The following RASGRP3 variants were observed in gnomAD, a reference collection of about 807,000 sequenced individuals.
RASGRP3 encodes the protein ras guanyl-releasing protein 3.
A neutral mutation model predicts 82.7 loss-of-function variants in RASGRP3; 54 were observed. The observed-to-expected ratio is 0.65, with a 90% CI of 0.52 to 0.82. The LOEUF (loss-of-function observed/expected upper bound fraction) is 0.82. Ranked by LOEUF, RASGRP3 falls within the 40% of genes least tolerant of loss-of-function variation. RASGRP3 has a pLI of 0.00. For missense variants in RASGRP3, 861 were observed against 828.9 expected (o/e 1.04, Z -0.48); for synonymous variants, 309 against 300.5 (o/e 1.03, Z -0.29).
intron 1 of RASGRP3, among the ~76,000 whole-genome samples, chr2:33,441,365 G>A (rs1008325662): frequency 6.6e-6 from 1 of 151,954 alleles, no homozygotes. Context: ...TTAGAAAAAG[G>A]TTATGCTGAA....
rs1306470350 is a variant in RASGRP3, at chr2:33,483,297, C to G, written c.-261+6590C>G. Among the ~76,000 whole-genome samples the G allele has an allele frequency of 2.0e-5, 3 of 152,118 alleles. No individual in the cohort carries two copies. The East Asian group carries it at 5.8e-4, about 29-fold the overall frequency. On this transcript the variant is annotated intron_variant, in intron 1 of 17. Transcript: ENST00000403687. ...TGGTTCAGGTGGATCGATCTCCACC[C>G]CACAATAGGTTCTAAGCCCCTTGGA...
At chr2:33,539,054 A>ATAC (rs1558503629) in intron 11 of RASGRP3, 40 bp from the exon 12 acceptor site, 2 of 1,368,228 alleles carry the variant, frequency 1.5e-6, no homozygotes, top group East Asian at 5.0e-5. Context: ...AATAATAATA[A>ATAC]TAAAGTTGAA....
Position 33,547,342 on chromosome 2 carries a change from C to CTTTTTTTTTTTTT in RASGRP3, c.1395-2245_1395-2233dup, listed in dbSNP as rs59601670. ...CCCGCAAGCTTGAGAATATAGAATC[C>CTTTTTTTTTTTTT]TTTTTTTTTTTTTTTTTTTTTTTTT... On this transcript the variant is annotated intron_variant, in intron 13 of 17. Transcript: ENST00000403687. 1.1e-3 allele frequency among the ~76,000 whole-genome samples: 74 copies of CTTTTTTTTTTTTT among 68,208 alleles called. 8 individuals carry two copies. Among genetic ancestry groups the CTTTTTTTTTTTTT allele is most frequent in the South Asian group, 3.4e-3 (4 of 1,194 alleles). 44.7% of individuals were successfully genotyped at this position (68,208 alleles called of 152,430 possible). A position where few individuals can be genotyped will look rare whatever the true frequency, so the allele number is the denominator to read the frequency against.
At position 33,459,236 on chromosome 2, in the gene RASGRP3, G is replaced by A. The variant is rs1335593760; in HGVS notation, c.-261+11293G>A. On this transcript the variant is annotated intron_variant, in intron 2 of 18. Coordinates refer to the RASGRP3 transcript ENST00000402538. Reference sequence around the variant, plus strand: ...TGCAAGCTCTGCCTCCCGGGTTCAAGCCATTCTCCTGCCTCAGCCTCCCGA... The same window carrying A: ...TGCAAGCTCTGCCTCCCGGGTTCAAACCATTCTCCTGCCTCAGCCTCCCGA... Among the ~76,000 whole-genome samples, 3 of 152,224 alleles carry A rather than the reference G, an allele frequency of 2.0e-5. No homozygotes were observed. The East Asian group carries it at 5.8e-4, about 29-fold the overall frequency.
chr2:33,540,706 G>A (rs1284658817), intron 12 of RASGRP3, among the ~76,000 whole-genome samples: 1 of 142,978 alleles, frequency 7.0e-6, no homozygotes, highest in Admixed American at 7.4e-5. Flanking sequence ...CATTGGTTCA[G>A]TCAAATAAAA....
At chr2:33,542,002 G>A (rs1287396783) in intron 12 of RASGRP3, among the ~76,000 whole-genome samples, 1 of 146,846 alleles carries the variant, frequency 6.8e-6, no homozygotes, top group African/African-American at 2.4e-5. Flanking sequence ...ACTTTGGGAG[G>A]CTGATGCAGG....
At chr2:33,484,920 C>T (rs1412387755) in intron 1 of RASGRP3, among the ~76,000 whole-genome samples, 7 of 152,108 alleles carry the variant, frequency 4.6e-5, no homozygotes, top group African/African-American at 9.7e-5. Context: ...TGCCCTTGGC[C>T]GGGTGCAGTG....
chr2:33,450,885 T>G (rs1470479696), intron 2 of RASGRP3, among the ~76,000 whole-genome samples: 1 of 128,850 alleles, frequency 7.8e-6, no homozygotes, highest in Non-Finnish European at 1.6e-5. Flanking sequence ...TCGCCCAGGC[T>G]GGAGTGTAGT....
intron 2 of RASGRP3, among the ~76,000 whole-genome samples, chr2:33,466,977 G>A (rs1283678589): frequency 2.0e-5 from 3 of 152,010 alleles, no homozygotes; most frequent in East Asian, 3.8e-4. Flanking sequence ...TCATCTAGGG[G>A]TAATAATAGC....
At chr2:33,443,696 G>C (rs986076162) in intron 1 of RASGRP3, among the ~76,000 whole-genome samples, 7 of 141,934 alleles carry the variant, frequency 4.9e-5, no homozygotes, top group Admixed American at 1.5e-4. Flanking sequence ...GCAACATAGT[G>C]AGATCCTGTC....
At chr2:33,540,556 TTGTGTGTGTGTGTGTGTG>T (rs377215232) in intron 12 of RASGRP3, among the ~76,000 whole-genome samples, 2 of 38,626 alleles carry the variant, frequency 5.2e-5, no homozygotes, top group Admixed American at 3.2e-4. Context: ...TGTGTGTGTT[TTGTGTGTGTGTGTGTGTG>T]TGTGTGTGTG....
At chr2:33,520,714 C>G (rs1671948880) in intron 6 of RASGRP3, 30 bp downstream of exon 6, 26 of 1,611,790 alleles carry the variant, frequency 1.6e-5, no homozygotes, top group Non-Finnish European at 2.2e-5. Context: ...CTTTCACACC[C>G]AATAAGTCCA....
intron 1 of RASGRP3, among the ~76,000 whole-genome samples, chr2:33,493,815 T>TA (rs1389105270): frequency 6.6e-5 from 10 of 151,826 alleles, no homozygotes; most frequent in Non-Finnish European, 1.0e-4. Context: ...TTTACAAAAT[T>TA]AAAAAAAATA....
intron 1 of RASGRP3, among the ~76,000 whole-genome samples, chr2:33,477,685 A>G (rs1667501108): frequency 1.3e-5 from 2 of 152,178 alleles, no homozygotes; most frequent in African/African-American, 2.4e-5. Context: ...CTTCCTTGGT[A>G]GTCACCAGAC....
At chr2:33,488,560 G>C (rs1668591703) in intron 1 of RASGRP3, among the ~76,000 whole-genome samples, 1 of 152,172 alleles carries the variant, frequency 6.6e-6, no homozygotes, top group Admixed American at 6.5e-5. Context: ...AAAAATGCCT[G>C]TGTTCATATT....
chr2:33,453,571 A>T (rs766515143), intron 2 of RASGRP3, among the ~76,000 whole-genome samples: 1 of 152,268 alleles, frequency 6.6e-6, no homozygotes, highest in South Asian at 2.1e-4. Context: ...GGCTTCTTTC[A>T]GAGTGAGAGA....
At chr2:33,490,935 C>G (rs982770061) in intron 1 of RASGRP3, among the ~76,000 whole-genome samples, 6 of 152,196 alleles carry the variant, frequency 3.9e-5, no homozygotes, top group African/African-American at 1.4e-4. Context: ...GATTTGGATA[C>G]TGGGCCTAAA....
intron 2 of RASGRP3, among the ~76,000 whole-genome samples, chr2:33,462,514 A>G (rs1242065067): frequency 1.3e-5 from 2 of 151,998 alleles, no homozygotes; most frequent in Non-Finnish European, 2.9e-5. Context: ...AGTAGCTGGA[A>G]TTACATGCAG....
intron 1 of RASGRP3, among the ~76,000 whole-genome samples, chr2:33,439,912 G>A (rs1373425937): frequency 1.3e-5 from 2 of 152,186 alleles, no homozygotes; most frequent in African/African-American, 4.8e-5. Flanking sequence ...TCAGGGCACC[G>A]AGGCCTGGGT....
Sources: allele counts gnomAD v4.1 joint callset (sites outside exome capture counted in the v4.1 genomes callset), GRCh38; gene constraint gnomAD v4.1.1; transcripts MANE v1.5; gene names NCBI Gene and HGNC (gene_info 2026-07-23, HGNC 2026-07-21).